Variants in OSBPL1A observed in about 807,000 individuals in gnomAD.
OSBPL1A encodes oxysterol binding protein like 1A.
Under a neutral mutation model 137.1 loss-of-function variants are expected in OSBPL1A, and 80 were observed. The observed-to-expected ratio is 0.58, with a 90% CI of 0.49 to 0.70. OSBPL1A has a LOEUF of 0.70. OSBPL1A is among the 30% of genes least tolerant of loss of function. OSBPL1A has a pLI of 0.00. For missense variants in OSBPL1A, 970 were observed against 1,129.4 expected (o/e 0.86, Z 2.02); for synonymous variants, 365 against 389.7 (o/e 0.94, Z 0.75).
chr18:24,211,551 A>T (rs1332617234), intron 17 of OSBPL1A, among the ~76,000 whole-genome samples: 1 of 151,660 alleles, frequency 6.6e-6, no homozygotes, highest in Non-Finnish European at 1.5e-5. Flanking sequence ...GAGGACCCCT[A>T]CTCCCCACCA....
At chr18:24,310,376 C>G (rs1424427698) in intron 13 of OSBPL1A, among the ~76,000 whole-genome samples, 3 of 138,780 alleles carry the variant, frequency 2.2e-5, no homozygotes, top group East Asian at 4.2e-4. Context: ...ATCACAAGGT[C>G]AGGAGATCAA....
chr18:24,165,355 C>T (rs945501991), intron 26 of OSBPL1A, among the ~76,000 whole-genome samples, 200 bp from the exon 27 acceptor site: 13 of 152,186 alleles, frequency 8.5e-5, no homozygotes, highest in Admixed American at 3.9e-4. Flanking sequence ...GTATCACAGA[C>T]GCAGCATCTC....
chr18:24,247,181 AAG>A (rs906187484), intron 15 of OSBPL1A, among the ~76,000 whole-genome samples: 7 of 152,242 alleles, frequency 4.6e-5, no homozygotes, highest in African/African-American at 1.7e-4. Flanking sequence ...GGAAACAAAA[AAG>A]AGAGAGACAG....
intron 14 of OSBPL1A, among the ~76,000 whole-genome samples, chr18:24,297,035 C>G (rs981546849): frequency 6.6e-6 from 1 of 152,062 alleles, no homozygotes; most frequent in Admixed American, 6.6e-5. Flanking sequence ...AGGGAGGATT[C>G]CTTCTTTCTC....
At chr18:24,382,453 TGTAGTCCCA>T (rs979441563) in intron 1 of OSBPL1A, among the ~76,000 whole-genome samples, 2 of 149,302 alleles carry the variant, frequency 1.3e-5, no homozygotes, top group African/African-American at 4.9e-5. Context: ...GGTGTGAGCC[TGTAGTCCCA>T]GCCATTGGAG....
chr18:24,197,558 A>T (rs1412349033), intron 17 of OSBPL1A, among the ~76,000 whole-genome samples: 1 of 152,136 alleles, frequency 6.6e-6, no homozygotes, highest in Non-Finnish European at 1.5e-5. Flanking sequence ...TTTTTTAGGA[A>T]CACACACTGC....
intron 12 of OSBPL1A, among the ~76,000 whole-genome samples, chr18:24,313,933 C>A (rs1038704839): frequency 1.4e-5 from 2 of 146,252 alleles, no homozygotes; most frequent in African/African-American, 4.9e-5. Context: ...GAAACCTTGT[C>A]TCTGCTAAAA....
intron 15 of OSBPL1A, among the ~76,000 whole-genome samples, chr18:24,245,109 T>C (rs980935672): frequency 3.3e-5 from 5 of 152,138 alleles, no homozygotes; most frequent in African/African-American, 1.2e-4. Flanking sequence ...TTTTTTTTTT[T>C]CTGAGACAAG....
intron 21 of OSBPL1A, among the ~76,000 whole-genome samples, chr18:24,177,653 A>C (rs2145919412): frequency 6.6e-6 from 1 of 152,332 alleles, no homozygotes; most frequent in East Asian, 1.9e-4. Flanking sequence ...CACAATTGTC[A>C]TTTCATTATT....
intron 7 of OSBPL1A, among the ~76,000 whole-genome samples, chr18:24,319,483 G>GT (rs1292140418): frequency 6.6e-6 from 1 of 152,196 alleles, no homozygotes; most frequent in Non-Finnish European, 1.5e-5. Flanking sequence ...AGCTGAGGGT[G>GT]TGATGGTCCA....
chr18:24,198,194 C>T (rs186147730), intron 17 of OSBPL1A, among the ~76,000 whole-genome samples: 22 of 152,276 alleles, frequency 1.4e-4, no homozygotes, highest in Admixed American at 5.2e-4. Context: ...CTGTCATTCA[C>T]CCCCAACAAA....
chr18:24,178,865 C>T (rs536653606), intron 20 of OSBPL1A, among the ~76,000 whole-genome samples: 5 of 151,898 alleles, frequency 3.3e-5, no homozygotes, highest in Admixed American at 6.6e-5. Flanking sequence ...AGAGGAGGAA[C>T]GCATAGAAAA....
At chr18:24,319,828 C>T (rs1228253290) in intron 7 of OSBPL1A, among the ~76,000 whole-genome samples, 1 of 152,032 alleles carries the variant, frequency 6.6e-6, no homozygotes, top group African/African-American at 2.4e-5. Flanking sequence ...ACTGTTTATG[C>T]AGGAAGGTGA....
In OSBPL1A at chr18:24,179,846, G is replaced by C. The variant is rs879247208; in HGVS notation, c.1813-11C>G. Reference sequence around the variant, plus strand: ...AAACGCAGCTACACACTGTGGGACAGAGCATGAGAACAAGTCAAAAATAGC... The same window carrying C: ...AAACGCAGCTACACACTGTGGGACACAGCATGAGAACAAGTCAAAAATAGC... On this transcript the variant is annotated splice_polypyrimidine_tract_variant and intron_variant, in intron 19 of 27. Transcript: ENST00000319481. The C allele has an allele frequency of 3.1e-6, 5 of 1,610,986 alleles. No homozygotes were observed. The South Asian group carries it at 4.4e-5, about 14-fold the overall frequency.
intron 15 of OSBPL1A, among the ~76,000 whole-genome samples, chr18:24,262,364 T>C (rs2089463180): frequency 6.6e-6 from 1 of 151,290 alleles, no homozygotes. Context: ...CACAGATTTG[T>C]ATATTTTACA....
Position 24,166,773 on chromosome 18 carries a change from G to C in OSBPL1A, c.2536-71C>G, listed in dbSNP as rs2086154331. The C allele has an allele frequency of 4.7e-6, 7 of 1,481,132 alleles. No homozygotes were observed. The East Asian group carries it at 1.4e-4, about 30-fold the overall frequency. The allele number at this position is 1,481,132 out of a possible 1,614,324, so 91.7% of individuals were successfully genotyped here. On this transcript the variant is annotated intron_variant, in intron 25 of 27. Coordinates refer to ENST00000319481, the MANE Select transcript of OSBPL1A (RefSeq NM_080597.4). ...TGCAAAATGAAACATCCTGAAAGTAGAAGAGGGTTGACTTGACAATGACCC... is the reference window on the plus strand; with the variant it reads ...TGCAAAATGAAACATCCTGAAAGTACAAGAGGGTTGACTTGACAATGACCC...
rs147289199 is a variant in OSBPL1A at position 24,329,997 on chromosome 18, T to C, written c.625+2945A>G. On this transcript the variant is annotated intron_variant, in intron 7 of 27. Transcript: ENST00000319481. Reference sequence around the variant, plus strand: ...TTTTCCTCAAAGCTGATTGGTTATGTGGATCCACGACGGTACTTAAATGTA... The same window carrying C: ...TTTTCCTCAAAGCTGATTGGTTATGCGGATCCACGACGGTACTTAAATGTA... Among the ~76,000 whole-genome samples, 665 of 152,358 alleles carry C rather than the reference T, an allele frequency of 4.4e-3. 6 individuals are homozygous for C. Among genetic ancestry groups the C allele is most frequent in the African/African-American group, 0.015 (638 of 41,584 alleles).
intron 24 of OSBPL1A, among the ~76,000 whole-genome samples, chr18:24,169,510 T>G (rs975645565): frequency 6.6e-6 from 1 of 152,264 alleles, no homozygotes; most frequent in Non-Finnish European, 1.5e-5. Flanking sequence ...GAGCCCATTA[T>G]GTTTGTTAAC....
chr18:24,298,124 C>T (rs1013576541), intron 14 of OSBPL1A, among the ~76,000 whole-genome samples: 4 of 152,154 alleles, frequency 2.6e-5, no homozygotes, highest in African/African-American at 9.7e-5. Context: ...ATCCTCACTG[C>T]TACACTCCCA....
Sources: gnomAD v4.1 joint callset for allele counts (sites outside exome capture counted in the v4.1 genomes callset) on GRCh38, gnomAD v4.1.1 for gene constraint, MANE v1.5 for transcripts, NCBI Gene and HGNC (gene_info 2026-07-23, HGNC 2026-07-21) for gene names.